The following AGBL4 variants were observed in gnomAD, a reference collection of about 807,000 sequenced individuals.
AGBL4 encodes AGBL carboxypeptidase 4, also known as cytosolic carboxypeptidase 6.
A neutral mutation model predicts 66.4 loss-of-function variants in AGBL4; 58 were observed. That is an observed-to-expected ratio of 0.87 (90% CI 0.71 to 1.09). The LOEUF is 1.09. AGBL4 is among the 50% of genes least tolerant of loss of function. AGBL4 has a pLI of 0.00. For synonymous variants in AGBL4, 234 were observed against 222.9 expected (o/e 1.05, Z -0.44); for missense variants, 579 against 631.0 (o/e 0.92, Z 0.88).
At chr1:49,807,929 TAACC>T (rs1167469970) in intron 2 of AGBL4, among the ~76,000 whole-genome samples, 1 of 152,182 alleles carries the variant, frequency 6.6e-6, no homozygotes, top group Non-Finnish European at 1.5e-5. Flanking sequence ...CATCATCTAT[TAACC>T]AAAAAGTGGG....
At chr1:49,892,423 C>T (rs1648746148) in intron 1 of AGBL4, among the ~76,000 whole-genome samples, 1 of 152,126 alleles carries the variant, frequency 6.6e-6, no homozygotes, top group African/African-American at 2.4e-5. Context: ...TTATTCATTC[C>T]TTCTACTTAG....
chr1:49,990,942 T>C (rs535071620), intron 1 of AGBL4, among the ~76,000 whole-genome samples: 2 of 152,294 alleles, frequency 1.3e-5, no homozygotes, highest in East Asian at 3.9e-4. Flanking sequence ...ATCACTAACA[T>C]ATCATATTAA....
intron 11 of AGBL4, among the ~76,000 whole-genome samples, chr1:48,571,900 G>C (rs1644569561): frequency 6.6e-6 from 1 of 152,078 alleles, no homozygotes; most frequent in Admixed American, 6.5e-5. Flanking sequence ...CCCCTCATCA[G>C]ACACTCAAAC....
chr1:50,005,050 G>A (rs1661030486), intron 1 of AGBL4, among the ~76,000 whole-genome samples: 3 of 152,148 alleles, frequency 2.0e-5, no homozygotes, highest in South Asian at 4.1e-4. Flanking sequence ...GACCTGCCGG[G>A]GAATGGGAGG....
chr1:48,769,054 G>A (rs1644674726), intron 6 of AGBL4, among the ~76,000 whole-genome samples: 1 of 152,168 alleles, frequency 6.6e-6, no homozygotes. Flanking sequence ...TTGGTGATTA[G>A]TCCTCTCTTG....
chr1:48,699,100 C>T (rs1646760682), intron 6 of AGBL4, among the ~76,000 whole-genome samples: 1 of 152,200 alleles, frequency 6.6e-6, no homozygotes, highest in Non-Finnish European at 1.5e-5. Context: ...TAATTCTGGT[C>T]CTACAGCCAG....
chr1:49,811,158 G>T (rs1016044466), intron 2 of AGBL4, among the ~76,000 whole-genome samples: 4 of 152,212 alleles, frequency 2.6e-5, no homozygotes, highest in African/African-American at 9.6e-5. Context: ...GAGGTAAAAT[G>T]ATGTGTTTTA....
chr1:48,918,675 C>T (rs1653825848), intron 5 of AGBL4, among the ~76,000 whole-genome samples: 1 of 152,148 alleles, frequency 6.6e-6, no homozygotes, highest in African/African-American at 2.4e-5. Context: ...GAAACCTGAC[C>T]ATGCTGGCAT....
At chr1:48,905,604 G>C (rs1423358499) in intron 5 of AGBL4, among the ~76,000 whole-genome samples, 1 of 152,122 alleles carries the variant, frequency 6.6e-6, no homozygotes, top group Non-Finnish European at 1.5e-5. Flanking sequence ...ATAACCCTTT[G>C]AAGTAAGTGT....
rs546603581 is a variant in AGBL4 at position 48,942,316 on chromosome 1, G to T, written c.595-75086C>A. Among the ~76,000 whole-genome samples, 240 of 152,036 alleles carry T rather than the reference G, an allele frequency of 1.6e-3. 1 individual carries two copies. The highest frequency in any genetic ancestry group is 5.4e-3 in the African/African-American group (222 of 41,476). On this transcript the variant is annotated intron_variant, in intron 5 of 13. Coordinates refer to ENST00000371839, the MANE Select transcript of AGBL4 (RefSeq NM_032785.4). ...ATATGTTGAATTATTGTGGTGGGGG[G>T]GGGGGGTTGTGGTAAAAGAATATGG...
intron 3 of AGBL4, among the ~76,000 whole-genome samples, chr1:49,606,647 C>T (rs929646037): frequency 1.3e-5 from 2 of 152,048 alleles, no homozygotes; most frequent in Admixed American, 1.3e-4. Context: ...TCATAACAGC[C>T]CAGCAAATTA....
At chr1:49,256,803 G>C (rs562760720) in intron 3 of AGBL4, among the ~76,000 whole-genome samples, 2 of 152,204 alleles carry the variant, frequency 1.3e-5, no homozygotes, top group Non-Finnish European at 1.5e-5. Context: ...CTAGACCGAT[G>C]GATCACAACA....
intron 1 of AGBL4, among the ~76,000 whole-genome samples, chr1:50,000,955 A>G (rs986284221): frequency 1.3e-5 from 2 of 152,144 alleles, no homozygotes; most frequent in African/African-American, 4.8e-5. Context: ...CATTGGGTAC[A>G]GAGTATGCTG....
chr1:49,992,221 A>C (rs1660005212), intron 1 of AGBL4, among the ~76,000 whole-genome samples: 1 of 151,974 alleles, frequency 6.6e-6, no homozygotes, highest in African/African-American at 2.4e-5. Context: ...AACACAAAAA[A>C]ATTAGCCGGG....
chr1:49,832,942 T>C (rs1645735354), intron 2 of AGBL4, among the ~76,000 whole-genome samples: 2 of 152,106 alleles, frequency 1.3e-5, no homozygotes, highest in Admixed American at 1.3e-4. Context: ...ATGTTGTAGG[T>C]TGCCTGTTCA....
intron 1 of AGBL4, among the ~76,000 whole-genome samples, chr1:49,936,951 C>A (rs560037653): frequency 3.9e-4 from 59 of 152,282 alleles, no homozygotes; most frequent in African/African-American, 1.3e-3. Flanking sequence ...AAATAACCAG[C>A]TAACATCATC....
chr1:49,404,796 A>G (rs1288693478), intron 3 of AGBL4, among the ~76,000 whole-genome samples: 1 of 152,226 alleles, frequency 6.6e-6, no homozygotes, highest in East Asian at 1.9e-4. Context: ...AATTAACAAG[A>G]ATTAGGAAAA....
chr1:48,694,907 T>C (rs1467192287), intron 6 of AGBL4, among the ~76,000 whole-genome samples: 1 of 152,166 alleles, frequency 6.6e-6, no homozygotes. Context: ...CATCCCACCA[T>C]TTTATAATCA....
chr1:49,210,548 C>T (rs144988091), intron 4 of AGBL4, among the ~76,000 whole-genome samples: 160 of 152,168 alleles, frequency 1.1e-3, no homozygotes, highest in African/African-American at 3.4e-3. Context: ...TATGCCTTAA[C>T]AAGCTTTTGT....
Sources: allele counts gnomAD v4.1 joint callset (sites outside exome capture counted in the v4.1 genomes callset), GRCh38; gene constraint gnomAD v4.1.1; transcripts MANE v1.5; gene names NCBI Gene and HGNC (gene_info 2026-07-23, HGNC 2026-07-21).